The following TSC22D2 variants were observed in gnomAD, a reference collection of about 807,000 sequenced individuals.
TSC22D2 encodes the protein TSC22 domain family member 2.
In TSC22D2, 5 loss-of-function variants were observed where a neutral mutation model predicts 50.1. That is an observed-to-expected ratio of 0.10 (90% CI 0.05 to 0.21). The LOEUF (loss-of-function observed/expected upper bound fraction) is 0.21. TSC22D2 is among the 10% of genes least tolerant of loss of function. The pLI is 1.00. For missense variants in TSC22D2, 1,003 were observed against 1,015.5 expected (o/e 0.99, Z 0.17); for synonymous variants, 501 against 450.1 (o/e 1.11, Z -1.43).
intron 1 of TSC22D2, among the ~76,000 whole-genome samples, chr3:150,454,029 A>G (rs545929100): frequency 1.2e-4 from 19 of 152,352 alleles, no homozygotes; most frequent in African/African-American, 4.3e-4. Flanking sequence ...GAAAGGTTAA[A>G]TAATTTCCCA....
At chr3:150,420,775 A>G (rs898311419) in intron 1 of TSC22D2, among the ~76,000 whole-genome samples, 2 of 152,240 alleles carry the variant, frequency 1.3e-5, no homozygotes, top group African/African-American at 2.4e-5. Flanking sequence ...TTCCAAAGTC[A>G]GAGGATCTAA....
intron 1 of TSC22D2, among the ~76,000 whole-genome samples, chr3:150,455,815 T>G (rs905763791): frequency 6.6e-6 from 1 of 152,214 alleles, no homozygotes; most frequent in Non-Finnish European, 1.5e-5. Flanking sequence ...AAATTATCTT[T>G]TCGTATTGAT....
At position 150,466,085 on chromosome 3, in the gene TSC22D2, A is replaced by T. The variant is rs1721534096; in HGVS notation, c.*7449A>T. 1 of 152,132 alleles carries T rather than the reference A, an allele frequency of 6.6e-6. No individual in the cohort carries two copies. Among genetic ancestry groups the T allele is most frequent in the Non-Finnish European group, 1.5e-5 (1 of 68,028 alleles). 9.4% of individuals were successfully genotyped at this position (152,132 alleles called of 1,614,324 possible). On this transcript the variant is annotated 3_prime_UTR_variant, in exon 3 of 3. Transcript: ENST00000688009. ...GTATCAATGAAAAAGAGAGAGTCCT[A>T]CATGTCCGGCATGGAAGGATCTCCA...
chr3:150,445,611 TA>T (rs954596967), intron 1 of TSC22D2, among the ~76,000 whole-genome samples: 21 of 152,260 alleles, frequency 1.4e-4, no homozygotes, highest in African/African-American at 5.1e-4. Flanking sequence ...GTAGACCTTA[TA>T]AAGTGTCAAA....
At chr3:150,432,984 T>G (rs898898503) in intron 1 of TSC22D2, among the ~76,000 whole-genome samples, 2 of 152,188 alleles carry the variant, frequency 1.3e-5, no homozygotes, top group African/African-American at 4.8e-5. Flanking sequence ...TTGTGATTGA[T>G]ACAGAGCTTT....
chr3:150,427,950 T>A (rs1720246292), intron 1 of TSC22D2, among the ~76,000 whole-genome samples: 1 of 152,114 alleles, frequency 6.6e-6, no homozygotes, highest in Non-Finnish European at 1.5e-5. Flanking sequence ...ACAACCTTAG[T>A]ACAATTATCA....
At chr3:150,457,771 G>A (rs62269065) in intron 2 of TSC22D2, among the ~76,000 whole-genome samples, 2 of 151,858 alleles carry the variant, frequency 1.3e-5, no homozygotes, top group Non-Finnish European at 2.9e-5. Flanking sequence ...GAGTAGTTGG[G>A]AGCACAGGCA....
rs1721383639 is a variant in TSC22D2, at chr3:150,461,041, T to C, written c.*2405T>C. On this transcript the variant is annotated 3_prime_UTR_variant, in exon 3 of 3. Transcript: ENST00000688009. ...AATGCAAATTAATGTTTTTGGCGAA[T>C]TGTAATAAGTGTCCTAAGTAGCAGG... The C allele has an allele frequency of 6.6e-6, 1 of 152,170 alleles. No homozygotes were observed. The highest frequency in any genetic ancestry group is 1.9e-4 in the East Asian group (1 of 5,202). 9.4% of individuals were successfully genotyped at this position (152,170 alleles called of 1,614,324 possible).
chr3:150,409,626 G>A lies in TSC22D2; in HGVS notation c.276G>A (p.Gly92=), dbSNP rs749032473. ...GTVSPNLLLD[G]QLAAAAAAPA... The stretch of plus-strand genomic sequence containing the variant: ...TCTCCCCAAACCTCCTCCTAGATGG[G>A]CAGCTGGCAGCGGCGGCTGCTGCTC... The change falls in exon 1 of 3, where the codon GGG becomes GGA. Residue 92 remains glycine (G), a synonymous_variant. Transcript: ENST00000688009. This position sits in a 1 kb window ranked among gnomAD's most constrained non-coding sequence, Gnocchi z 7.4. 1.9e-6 allele frequency: 3 copies of A among 1,609,520 alleles called. No homozygotes were observed. Among genetic ancestry groups the A allele is most frequent in the African/African-American group, 2.7e-5 (2 of 74,876 alleles).
intron 1 of TSC22D2, among the ~76,000 whole-genome samples, chr3:150,434,927 T>C (rs1425646114): frequency 6.6e-6 from 1 of 152,172 alleles, no homozygotes; most frequent in Admixed American, 6.5e-5. Flanking sequence ...ACCACAGATA[T>C]ATGAAGTTTC....
intron 1 of TSC22D2, among the ~76,000 whole-genome samples, chr3:150,446,351 T>A (rs1720889999): frequency 1.3e-5 from 2 of 152,166 alleles, no homozygotes; most frequent in Admixed American, 1.3e-4. Flanking sequence ...TTGTTGAAAG[T>A]GAAAAATGTA....
chr3:150,412,840 T>C (rs1373237068), intron 1 of TSC22D2, among the ~76,000 whole-genome samples: 1 of 152,204 alleles, frequency 6.6e-6, no homozygotes, highest in Non-Finnish European at 1.5e-5. Flanking sequence ...TTTTCACCTT[T>C]GGTAATAATC....
Position 150,410,142 on chromosome 3 carries a change from C to T in TSC22D2, c.792C>T (p.Ala264=), listed in dbSNP as rs964501663. 1.2e-6 allele frequency: 2 copies of T among 1,612,102 alleles called. No homozygotes were observed. The highest frequency in any genetic ancestry group is 2.7e-5 in the African/African-American group (2 of 75,054). Residue 264 remains alanine, a synonymous_variant, in exon 1 of 3, where the codon GCC becomes GCT. Coordinates refer to ENST00000688009, the MANE Select transcript of TSC22D2 (RefSeq NM_001303264.2). ...AGAAAATGAGCCAGCCCACTCCGGCCCAGCCGCAGAGTTTTAGCGTTGGGC... is the reference window on the plus strand; with the variant it reads ...AGAAAATGAGCCAGCCCACTCCGGCTCAGCCGCAGAGTTTTAGCGTTGGGC... The part of the protein sequence containing the change: ...PSEKMSQPTP[A]QPQSFSVGQP...
intron 1 of TSC22D2, among the ~76,000 whole-genome samples, chr3:150,431,993 A>G (rs1423535244): frequency 6.6e-6 from 1 of 152,138 alleles, no homozygotes; most frequent in Non-Finnish European, 1.5e-5. Flanking sequence ...GTATCCTCTT[A>G]GTTTTATTCT....
chr3:150,445,136 A>G (rs1301204618), intron 1 of TSC22D2, among the ~76,000 whole-genome samples: 2 of 151,934 alleles, frequency 1.3e-5, no homozygotes, highest in Non-Finnish European at 2.9e-5. Flanking sequence ...CTAAATAATG[A>G]AACATCGAGA....
intron 1 of TSC22D2, among the ~76,000 whole-genome samples, chr3:150,448,890 A>C (rs1389099676): frequency 6.6e-6 from 1 of 151,122 alleles, no homozygotes; most frequent in South Asian, 2.1e-4. Context: ...ATATATATAT[A>C]TATATAATTA....
At chr3:150,435,875 G>C (rs1326223579) in intron 1 of TSC22D2, among the ~76,000 whole-genome samples, 4 of 152,042 alleles carry the variant, frequency 2.6e-5, no homozygotes, top group Non-Finnish European at 5.9e-5. Flanking sequence ...GGTTTTGGTA[G>C]CAGTCTTGCC....
At chr3:150,421,477 A>T (rs1720007080) in intron 1 of TSC22D2, among the ~76,000 whole-genome samples, 1 of 152,244 alleles carries the variant, frequency 6.6e-6, no homozygotes, top group Non-Finnish European at 1.5e-5. Flanking sequence ...TTAAATAAAC[A>T]GTAGGTAGAA....
At position 150,408,767 on chromosome 3, in the gene TSC22D2, G is replaced by C. The variant is rs1486530980; in HGVS notation, c.-584G>C. ...CGCCCGCGGACCTTCAGCCAGCTCCGGCCCGCGGCTCCCGGCTGAATTAGG... is the reference window on the plus strand; with the variant it reads ...CGCCCGCGGACCTTCAGCCAGCTCCCGCCCGCGGCTCCCGGCTGAATTAGG... On this transcript the variant is annotated 5_prime_UTR_variant, in exon 1 of 3. Coordinates refer to ENST00000688009, the MANE Select transcript of TSC22D2 (RefSeq NM_001303264.2). 9 of 153,302 alleles carry C rather than the reference G, an allele frequency of 5.9e-5. No individual in the cohort carries two copies. Among genetic ancestry groups the C allele is most frequent in the African/African-American group, 2.2e-4 (9 of 41,480 alleles). 9.5% of individuals were successfully genotyped at this position (153,302 alleles called of 1,614,324 possible). A position where few individuals can be genotyped will look rare whatever the true frequency, so the allele number is the denominator to read the frequency against.
Sources: allele counts gnomAD v4.1 joint callset (sites outside exome capture counted in the v4.1 genomes callset), GRCh38; gene constraint gnomAD v4.1.1; non-coding constraint Gnocchi (gnomAD v3.1); transcripts MANE v1.5; gene names NCBI Gene and HGNC (gene_info 2026-07-23, HGNC 2026-07-21).